The following TANGO6 variants were observed in gnomAD, a reference collection of about 807,000 sequenced individuals.
TANGO6 encodes the protein transport and Golgi organization protein 6 homolog.
TANGO6 carries 90 observed loss-of-function variants against 114.2 expected under a neutral mutation model. The ratio of observed to expected loss-of-function variants is 0.79; its 90% CI spans 0.66 to 0.94. The LOEUF (loss-of-function observed/expected upper bound fraction) is 0.94. Ranked by LOEUF, TANGO6 falls within the 40% of genes least tolerant of loss-of-function variation. TANGO6 has a pLI of 0.00. For synonymous variants in TANGO6, 477 were observed against 509.8 expected (o/e 0.94, Z 0.87); for missense variants, 1,274 against 1,315.3 (o/e 0.97, Z 0.49).
At chr16:68,892,810 C>T (rs761950438) in intron 7 of TANGO6, among the ~76,000 whole-genome samples, 5 of 152,068 alleles carry the variant, frequency 3.3e-5, no homozygotes, top group East Asian at 3.9e-4. Context: ...CCACTGCACC[C>T]GGGCCAGGTT....
At chr16:69,000,457 A>G (rs1964030256) in intron 15 of TANGO6, among the ~76,000 whole-genome samples, 1 of 152,310 alleles carries the variant, frequency 6.6e-6, no homozygotes, top group South Asian at 2.1e-4. Context: ...AAAGACAAAA[A>G]CTTTTACTCA....
intron 14 of TANGO6, among the ~76,000 whole-genome samples, chr16:68,930,591 A>G (rs2152197528): frequency 6.6e-6 from 1 of 151,392 alleles, no homozygotes; most frequent in Middle Eastern, 3.4e-3. Flanking sequence ...TGACTCACAC[A>G]TGAACTCTTA....
intron 17 of TANGO6, among the ~76,000 whole-genome samples, chr16:69,049,462 G>T (rs1189650275): frequency 6.8e-6 from 1 of 146,740 alleles, no homozygotes; most frequent in Non-Finnish European, 1.5e-5. Context: ...ACGAAGTTTC[G>T]CTCTTGTCCC....
At chr16:68,958,489 C>CAA (rs71383945) in intron 14 of TANGO6, among the ~76,000 whole-genome samples, 7 of 42,336 alleles carry the variant, frequency 1.7e-4, no homozygotes, top group Non-Finnish European at 2.9e-4. Flanking sequence ...AACTCTGTCT[C>CAA]AAAAAAAAAA....
At chr16:68,898,420 G>A (rs1240332175) in intron 7 of TANGO6, among the ~76,000 whole-genome samples, 4 of 152,138 alleles carry the variant, frequency 2.6e-5, no homozygotes, top group Admixed American at 2.6e-4. Flanking sequence ...TTAGTTTCAT[G>A]AACAACGTTG....
chr16:68,888,831 G>T (rs1457129980), intron 7 of TANGO6, among the ~76,000 whole-genome samples: 1 of 152,002 alleles, frequency 6.6e-6, no homozygotes, highest in African/African-American at 2.4e-5. Context: ...ATTATTTTTT[G>T]AGCCGGAGTT....
intron 17 of TANGO6, among the ~76,000 whole-genome samples, chr16:69,063,608 C>T (rs1161103262): frequency 7.6e-6 from 1 of 131,158 alleles, no homozygotes; most frequent in East Asian, 2.2e-4. Flanking sequence ...ATCGCTTGAA[C>T]CTGGGAGGCA....
At chr16:69,076,381 C>T (rs1372551362) in intron 17 of TANGO6, among the ~76,000 whole-genome samples, 4 of 152,120 alleles carry the variant, frequency 2.6e-5, no homozygotes, top group Non-Finnish European at 4.4e-5. Context: ...CGTGAGCCAC[C>T]GTGCCCAGCC....
chr16:68,867,532 G>A, intron 4 of TANGO6: 1 of 244,496 alleles, frequency 4.1e-6, no homozygotes, highest in Non-Finnish European at 7.9e-6. Flanking sequence ...AAACCCTAAA[G>A]TAAATGTTAA....
At chr16:68,954,107 G>C (rs539641725) in intron 14 of TANGO6, among the ~76,000 whole-genome samples, 1 of 151,752 alleles carries the variant, frequency 6.6e-6, no homozygotes, top group South Asian at 2.1e-4. Context: ...AAAGTTAGCT[G>C]GGTGTGGTGG....
rs1367512003 is a variant in TANGO6 at position 69,083,586 on chromosome 16, A to G, written c.3210A>G (p.Glu1070=). 6.2e-7 allele frequency: 1 copy of G among 1,601,894 alleles called. No individual in the cohort carries two copies. Among genetic ancestry groups the G allele is most frequent in the South Asian group, 1.1e-5 (1 of 88,728 alleles). Residue 1070 remains glutamate (E), a synonymous_variant, in exon 18 of 18, where the codon GAA becomes GAG. Transcript: ENST00000261778. ...AGCTCCATGCCCAGTTGGCCCTAGA[A>G]GAGCTGGATGACATCATGAAAAACT... ...VAKLHAQLAL[E]ELDDIMKNFL...
At chr16:68,866,590 T>C (rs1346789598) in intron 3 of TANGO6, among the ~76,000 whole-genome samples, 6 of 146,360 alleles carry the variant, frequency 4.1e-5, no homozygotes, top group African/African-American at 1.3e-4. Flanking sequence ...GCCACTGCAG[T>C]CCGCAGTCCG....
At chr16:69,000,739 A>G (rs1597053437) in intron 15 of TANGO6, among the ~76,000 whole-genome samples, 1 of 152,062 alleles carries the variant, frequency 6.6e-6, no homozygotes, top group Non-Finnish European at 1.5e-5. Context: ...TTACAAGTGC[A>G]TGCCACCACA....
chr16:69,057,630 T>TCC (rs1960053068), intron 17 of TANGO6, among the ~76,000 whole-genome samples: 1 of 152,124 alleles, frequency 6.6e-6, no homozygotes, highest in Non-Finnish European at 1.5e-5. Flanking sequence ...ACCTGGGCAT[T>TCC]CCCTACACAG....
chr16:68,875,244 A>G lies in TANGO6; in HGVS notation c.1085A>G (p.Gln362Arg), dbSNP rs1290779239. The G allele has an allele frequency of 6.2e-7, 1 of 1,613,724 alleles. No individual in the cohort carries two copies. The highest frequency in any genetic ancestry group is 1.3e-5 in the African/African-American group (1 of 74,922). The change falls in exon 5 of 18, where the codon CAG (glutamine) becomes CGG (arginine). Residue 362 changes from glutamine to arginine, a missense_variant. Physicochemically the swap from Gln to Arg is conservative, Grantham distance 43. Transcript: ENST00000261778. The stretch of plus-strand genomic sequence containing the variant: ...GCAAAGATTTTGGCCTCTTGTCCCC[A>G]GCAGTCTCTTTCACCAGAGAATTAC... ...LIAKILASCP[Q>R]QSLSPENYYR...
At chr16:68,980,659 A>G (rs1317336643) in intron 15 of TANGO6, among the ~76,000 whole-genome samples, 1 of 151,662 alleles carries the variant, frequency 6.6e-6, no homozygotes, top group African/African-American at 2.4e-5. Flanking sequence ...GGTGCGTGCC[A>G]CCACACCCAG....
chr16:68,847,854 G>T (rs1961838378), intron 1 of TANGO6, among the ~76,000 whole-genome samples: 1 of 152,028 alleles, frequency 6.6e-6, no homozygotes, highest in African/African-American at 2.4e-5. Context: ...ACAAAAATTA[G>T]CTGGGCGTGG....
Position 68,875,179 on chromosome 16 carries a change from T to C in TANGO6, c.1020T>C (p.Ala340=). ...CGGGAGCAGCTGGTGGAAGTGATGCTGAGGTGACGGCTGCTGACTGGAAGA... is the reference window on the plus strand; with the variant it reads ...CGGGAGCAGCTGGTGGAAGTGATGCCGAGGTGACGGCTGCTGACTGGAAGA... ...AGAGAAGGSD[A]EVTAADWKKC... is the part of the protein sequence containing the mutation. The change falls in exon 5 of 18, where the codon GCT becomes GCC. Residue 340 remains alanine, a synonymous_variant. Transcript: ENST00000261778. 1 of 1,612,992 alleles carries C rather than the reference T, an allele frequency of 6.2e-7. No individual in the cohort carries two copies. The highest frequency in any genetic ancestry group is 8.5e-7 in the Non-Finnish European group (1 of 1,179,196).
chr16:69,070,597 C>T (rs375824087), intron 17 of TANGO6, among the ~76,000 whole-genome samples: 361 of 148,702 alleles, frequency 2.4e-3, no homozygotes, highest in African/African-American at 7.3e-3. Context: ...CACACCACTA[C>T]ACTCCAGCCC....
Sources: allele counts gnomAD v4.1 joint callset (sites outside exome capture counted in the v4.1 genomes callset), GRCh38; gene constraint gnomAD v4.1.1; transcripts MANE v1.5; gene names NCBI Gene and HGNC (gene_info 2026-07-23, HGNC 2026-07-21).